The following TOR1AIP1 variants were observed in gnomAD, a reference collection of about 807,000 sequenced individuals.
The protein encoded by TOR1AIP1 is torsin-1A-interacting protein 1.
A neutral mutation model predicts 63.3 loss-of-function variants in TOR1AIP1; 54 were observed. The ratio of observed to expected loss-of-function variants is 0.85; its 90% confidence interval spans 0.69 to 1.07. The LOEUF is 1.07. Among genes scored for constraint, TOR1AIP1 ranks in the 50% least tolerant of loss-of-function variants. TOR1AIP1 has a pLI of 0.00. For synonymous variants in TOR1AIP1, 294 were observed against 273.5 expected (o/e 1.07, Z -0.74); for missense variants, 736 against 715.0 (o/e 1.03, Z -0.33).
chr1:179,891,304 G>A (rs1025683202), intron 3 of TOR1AIP1, among the ~76,000 whole-genome samples: 7 of 151,700 alleles, frequency 4.6e-5, no homozygotes, highest in Non-Finnish European at 8.8e-5. Context: ...TCACTGCAAC[G>A]TCTGCCTCCC....
At chr1:179,897,761 A>T (rs1360482933) in intron 3 of TOR1AIP1, among the ~76,000 whole-genome samples, 2 of 152,148 alleles carry the variant, frequency 1.3e-5, no homozygotes, top group Admixed American at 1.3e-4. Context: ...GGAACCTCTC[A>T]TATTAGGAAA....
chr1:179,882,320 G>T lies in TOR1AIP1; in HGVS notation c.-183G>T. 1 of 524,314 alleles carries T rather than the reference G, an allele frequency of 1.9e-6. No individual in the cohort carries two copies. The highest frequency in any genetic ancestry group is 3.2e-6 in the Non-Finnish European group (1 of 316,976). The allele number at this position is 524,314 out of a possible 1,614,324, so 32.5% of individuals were successfully genotyped here. A position where few individuals can be genotyped will look rare whatever the true frequency, so the allele number is the denominator to read the frequency against. ...TCACAGCCCTCAAGACACACCATGG[G>T]CCCAGAGGCAGGTTTGCTACACAGC... On this transcript the variant is annotated 5_prime_UTR_variant, in exon 1 of 10. Transcript: ENST00000606911.
rs1318095124 is a variant in TOR1AIP1, at chr1:179,882,920, C to T, written c.418C>T (p.Leu140=). The change falls in exon 1 of 10, where the codon CTA becomes TTA. Residue 140 remains leucine (L), a synonymous_variant. Coordinates refer to ENST00000606911, the MANE Select transcript of TOR1AIP1 (RefSeq NM_015602.4). ...LQQQHSEQPP[L]QPSPVMTRRG... ...GCAGCAGCACTCAGAGCAGCCTCCG[C>T]TACAGCCGTCTCCTGTTATGACCAG... 1.9e-6 allele frequency: 3 copies of T among 1,613,992 alleles called. No homozygotes were observed. The highest frequency in any genetic ancestry group is 2.7e-5 in the African/African-American group (2 of 74,950).
intron 6 of TOR1AIP1, 49 bp downstream of exon 6, chr1:179,904,071 A>G: frequency 7.3e-7 from 1 of 1,377,846 alleles, no homozygotes; most frequent in Non-Finnish European, 1.0e-6. Flanking sequence ...TGGTCAAATG[A>G]TGTTCCTATT....
rs776182037 is a variant in TOR1AIP1, at chr1:179,889,384, G to A, written c.610+15G>A. On this transcript the variant is annotated intron_variant, in intron 3 of 9. Coordinates refer to ENST00000606911, the MANE Select transcript of TOR1AIP1 (RefSeq NM_015602.4). Reference sequence around the variant, plus strand: ...CCCAAGATATGGTAAGAGATTGTTTGTCTGTTGGTTTACCTTTGTTATAAA... The same window carrying A: ...CCCAAGATATGGTAAGAGATTGTTTATCTGTTGGTTTACCTTTGTTATAAA... 9 of 1,597,270 alleles carry A rather than the reference G, an allele frequency of 5.6e-6. No homozygotes were observed. Among genetic ancestry groups the A allele is most frequent in the African/African-American group, 1.3e-5 (1 of 74,610 alleles).
chr1:179,910,371 GAC>G (rs1648793983), intron 8 of TOR1AIP1, among the ~76,000 whole-genome samples: 2 of 152,100 alleles, frequency 1.3e-5, no homozygotes, highest in African/African-American at 4.8e-5. Context: ...ACTGTAATTG[GAC>G]CAAATGACAT....
At chr1:179,883,433 C>T (rs1361119413) in intron 1 of TOR1AIP1, among the ~76,000 whole-genome samples, 2 of 152,202 alleles carry the variant, frequency 1.3e-5, no homozygotes, top group Non-Finnish European at 2.9e-5. Flanking sequence ...CTTTTTCCCT[C>T]CTCACCCAGG....
At chr1:179,884,804 C>A in intron 2 of TOR1AIP1, 35 bp downstream of exon 2, 1 of 1,494,074 alleles carries the variant, frequency 6.7e-7, no homozygotes, top group Non-Finnish European at 9.2e-7. Flanking sequence ...TTCTCCTTAC[C>A]TACCAACTTT....
At chr1:179,914,100 G>A (rs1648917785) in intron 9 of TOR1AIP1, 46 bp downstream of exon 9, 3 of 1,543,498 alleles carry the variant, frequency 1.9e-6, no homozygotes, top group Non-Finnish European at 2.7e-6. Context: ...TGTAAAATTG[G>A]TATTCCATAA....
At chr1:179,911,983 CT>C (rs199753076) in intron 8 of TOR1AIP1, among the ~76,000 whole-genome samples, 12,224 of 116,594 alleles carry the variant, frequency 0.1, 729 homozygotes, top group African/African-American at 0.21. Flanking sequence ...TTCTTTTTTT[CT>C]TTTTTTTTTT....
At chr1:179,900,934 C>A (rs529017174) in intron 4 of TOR1AIP1, among the ~76,000 whole-genome samples, 8 of 152,240 alleles carry the variant, frequency 5.3e-5, no homozygotes, top group African/African-American at 1.9e-4. Flanking sequence ...CACACACACA[C>A]AAATACACAT....
chr1:179,882,638 A>C lies in TOR1AIP1; in HGVS notation c.136A>C (p.Arg46=). The C allele has an allele frequency of 6.4e-7, 1 of 1,564,842 alleles. No individual in the cohort carries two copies. The highest frequency in any genetic ancestry group is 8.6e-7 in the Non-Finnish European group (1 of 1,156,892). ...NGGSSDAPAY[R]TPPSRQGRRE... ...CGGCAGCAGCGATGCGCCTGCGTAC[A>C]GAACTCCTCCGTCGCGCCAGGGCCG... The change falls in exon 1 of 10, where the codon AGA becomes CGA. Residue 46 remains arginine (R), a synonymous_variant. Coordinates refer to ENST00000606911, the MANE Select transcript of TOR1AIP1 (RefSeq NM_015602.4).
At chr1:179,903,576 C>T (rs990838313) in intron 5 of TOR1AIP1, among the ~76,000 whole-genome samples, 3 of 150,998 alleles carry the variant, frequency 2.0e-5, no homozygotes, top group Admixed American at 6.6e-5. Context: ...GGTGCGATCT[C>T]GGCTCGCTGC....
chr1:179,884,808 C>A, intron 2 of TOR1AIP1, 39 bp downstream of exon 2: 2 of 1,464,050 alleles, frequency 1.4e-6, no homozygotes, highest in Non-Finnish European at 1.9e-6. Flanking sequence ...CCTTACCTAC[C>A]AACTTTTTAA....
At chr1:179,889,751 C>T (rs566916936) in intron 3 of TOR1AIP1, among the ~76,000 whole-genome samples, 1 of 151,870 alleles carries the variant, frequency 6.6e-6, no homozygotes, top group East Asian at 1.9e-4. Flanking sequence ...ATCTCTCTGG[C>T]TCAAGCAGTC....
intron 8 of TOR1AIP1, among the ~76,000 whole-genome samples, chr1:179,909,388 G>T (rs1452851666): frequency 2.1e-3 from 1 of 476 alleles, no homozygotes; most frequent in Non-Finnish European, 6.0e-3. Flanking sequence ...TCTGTTTTTT[G>T]TTTTGTTTTG....
chr1:179,907,581 TACAC>T (rs1648678609), intron 6 of TOR1AIP1, among the ~76,000 whole-genome samples: 2 of 108,266 alleles, frequency 1.8e-5, no homozygotes, highest in African/African-American at 3.2e-5. Flanking sequence ...GGGAAAGAAA[TACAC>T]ACACACTTTA....
At chr1:179,904,469 G>T (rs1648567045) in intron 6 of TOR1AIP1, among the ~76,000 whole-genome samples, 1 of 152,092 alleles carries the variant, frequency 6.6e-6, no homozygotes, top group Non-Finnish European at 1.5e-5. Flanking sequence ...GGCAAGCTTG[G>T]TTATGGGTAT....
chr1:179,892,715 G>T, intron 3 of TOR1AIP1, among the ~76,000 whole-genome samples: 1 of 149,294 alleles, frequency 6.7e-6, no homozygotes. Flanking sequence ...TCCAGCCTGG[G>T]GGACAGAGCG....
Sources: gnomAD v4.1 joint callset for allele counts (sites outside exome capture counted in the v4.1 genomes callset) on GRCh38, gnomAD v4.1.1 for gene constraint, MANE v1.5 for transcripts, NCBI Gene and HGNC (gene_info 2026-07-23, HGNC 2026-07-21) for gene names.